ERGIC1: variants seen among roughly 807,000 people sequenced by gnomAD.
ERGIC1 encodes the protein endoplasmic reticulum-Golgi intermediate compartment protein 1.
Under a neutral mutation model 38.3 loss-of-function variants are expected in ERGIC1, and 19 were observed. The ratio of observed to expected loss-of-function variants is 0.50; its 90% CI spans 0.35 to 0.73. The LOEUF (loss-of-function observed/expected upper bound fraction) is 0.73, where lower values mean the gene tolerates loss of function less well. Ranked by LOEUF, ERGIC1 falls within the 30% of genes least tolerant of loss-of-function variation. ERGIC1 has a pLI of 0.01. For missense variants in ERGIC1, 294 were observed against 389.2 expected, an observed-to-expected ratio of 0.76 and a Z score of 2.06; for synonymous variants, 124 against 157.6, an observed-to-expected ratio of 0.79 and a Z score of 1.60.
chr5:172,893,901 A>ATGTGTGTGTGTGTGTG (rs1334354595), intron 2 of ERGIC1, among the ~76,000 whole-genome samples: 2 of 13,574 alleles, frequency 1.5e-4, no homozygotes, highest in Non-Finnish European at 7.1e-4. Context: ...ATATATATAT[A>ATGTGTGTGTGTGTGTG]TATATGTGTG....
At chr5:172,842,311 T>A (rs187284892) in intron 1 of ERGIC1, among the ~76,000 whole-genome samples, 3 of 152,344 alleles carry the variant, frequency 2.0e-5, no homozygotes, top group Non-Finnish European at 2.9e-5. Flanking sequence ...CTGCCTTATT[T>A]CACATAACGT....
chr5:172,939,980 C>T (rs1763973803), intron 9 of ERGIC1, among the ~76,000 whole-genome samples: 1 of 152,238 alleles, frequency 6.6e-6, no homozygotes, highest in Non-Finnish European at 1.5e-5. Context: ...AAAAATCAAA[C>T]ACTTGCGTGC....
rs556047310 is a variant in ERGIC1, at chr5:172,873,874, T to G, written c.21-14825T>G. ...ATGCCAGTCCCCTTTCCCGTCCCTC[T>G]GTTGACCTGTGGTAACTCAGGTGGG... is the stretch of plus-strand genomic sequence containing the variant. On this transcript the variant is annotated intron_variant, in intron 1 of 9. Coordinates refer to ENST00000393784, the MANE Select transcript of ERGIC1 (RefSeq NM_001031711.3). Among the ~76,000 whole-genome samples, 3 of 152,358 alleles carry G rather than the reference T, an allele frequency of 2.0e-5. No homozygotes were observed. In the East Asian group the frequency reaches 5.8e-4, roughly 29 times the overall value.
intron 1 of ERGIC1, among the ~76,000 whole-genome samples, chr5:172,839,882 C>A (rs116363146): frequency 6.6e-6 from 1 of 152,174 alleles, no homozygotes; most frequent in South Asian, 2.1e-4. Context: ...TGGAACACTG[C>A]CATTTGGCAC....
Position 172,910,807 on chromosome 5 carries a change from G to T in ERGIC1, c.250+1046G>T, listed in dbSNP as rs1763186825. Among the ~76,000 whole-genome samples, 4 of 152,136 alleles carry T rather than the reference G, an allele frequency of 2.6e-5. No homozygotes were observed. The South Asian group carries it at 8.3e-4, about 31-fold the overall frequency. ...CCCAAAGTGCTGAGATTACAGGCATGAGCCACCGTGCCTGGCCCAGAATGA... is the reference window on the plus strand; with the variant it reads ...CCCAAAGTGCTGAGATTACAGGCATTAGCCACCGTGCCTGGCCCAGAATGA... On this transcript the variant is annotated intron_variant, in intron 4 of 9. Coordinates refer to ENST00000393784, the MANE Select transcript of ERGIC1 (RefSeq NM_001031711.3).
At chr5:172,911,028 C>T (rs1228041745) in intron 4 of ERGIC1, among the ~76,000 whole-genome samples, 1 of 152,144 alleles carries the variant, frequency 6.6e-6, no homozygotes, top group East Asian at 1.9e-4. Context: ...GACTTGTCAG[C>T]GAGTGGACTG....
chr5:172,928,853 A>C (rs1170113958), intron 7 of ERGIC1, among the ~76,000 whole-genome samples: 1 of 152,206 alleles, frequency 6.6e-6, no homozygotes, highest in African/African-American at 2.4e-5. Flanking sequence ...TAAAGTGGGA[A>C]GAATCCTCTC....
intron 1 of ERGIC1, among the ~76,000 whole-genome samples, chr5:172,885,583 C>T (rs2113245280): frequency 6.6e-6 from 1 of 152,242 alleles, no homozygotes; most frequent in South Asian, 2.1e-4. Flanking sequence ...CTTTTAGATC[C>T]CCTGTGCACC....
chr5:172,932,591 A>G, intron 8 of ERGIC1, 55 bp downstream of exon 8: 1 of 1,540,906 alleles, frequency 6.5e-7, no homozygotes, highest in African/African-American at 1.4e-5. Context: ...CTGCTGACGG[A>G]GAGCAGAGAT....
chr5:172,927,931 C>T (rs964901735), intron 7 of ERGIC1, among the ~76,000 whole-genome samples: 12 of 152,076 alleles, frequency 7.9e-5, no homozygotes, highest in African/African-American at 2.7e-4. Context: ...ACAGGGTTGG[C>T]GCTCTGTTAC....
chr5:172,935,358 G>A (rs199565834), intron 9 of ERGIC1, 48 bp downstream of exon 9: 81 of 1,611,424 alleles, frequency 5.0e-5, no homozygotes, highest in East Asian at 4.5e-5. Flanking sequence ...GCCACCCTGC[G>A]CCTGCTCTGG....
At position 172,852,410 on chromosome 5, in the gene ERGIC1, G is replaced by A. The variant is rs187433259; in HGVS notation, c.20+17977G>A. On this transcript the variant is annotated intron_variant, in intron 1 of 9. Coordinates refer to ENST00000393784, the MANE Select transcript of ERGIC1 (RefSeq NM_001031711.3). ...ACTTCCTCATACAGTCTTCTTAGTG[G>A]GCTTCCTGCTGACAGTGGATGCCAG... 2.5e-4 allele frequency among the ~76,000 whole-genome samples: 38 copies of A among 152,042 alleles called. No homozygotes were observed. In the East Asian group the frequency reaches 6.8e-3, roughly 27 times the overall value.
intron 9 of ERGIC1, among the ~76,000 whole-genome samples, chr5:172,943,608 T>C (rs1293203362): frequency 6.6e-6 from 1 of 152,186 alleles, no homozygotes; most frequent in Non-Finnish European, 1.5e-5. Context: ...GACAGTGTCA[T>C]CCCGGTCCCT....
intron 3 of ERGIC1, among the ~76,000 whole-genome samples, chr5:172,906,806 G>A (rs1763038674): frequency 6.6e-6 from 1 of 152,104 alleles, no homozygotes; most frequent in South Asian, 2.1e-4. Flanking sequence ...CCGCCCCCTA[G>A]GCCAGGCCTT....
chr5:172,903,666 T>C (rs1007231442), intron 3 of ERGIC1, among the ~76,000 whole-genome samples: 2 of 152,238 alleles, frequency 1.3e-5, no homozygotes, highest in African/African-American at 4.8e-5. Flanking sequence ...GAGCACTTAC[T>C]GTTTACTAAG....
chr5:172,877,458 A>T (rs11953362), intron 1 of ERGIC1, among the ~76,000 whole-genome samples: 6,214 of 86,538 alleles, frequency 0.072, 253 homozygotes, highest in African/African-American at 0.086. Flanking sequence ...ATATATATAT[A>T]TTTTTTTTTT....
intron 6 of ERGIC1, among the ~76,000 whole-genome samples, chr5:172,924,794 A>G (rs1056969635): frequency 2.4e-4 from 36 of 152,204 alleles, no homozygotes; most frequent in African/African-American, 8.4e-4. Context: ...CTTAGGGCCC[A>G]TCCATCCATT....
chr5:172,871,039 G>T (rs984921281), intron 1 of ERGIC1, among the ~76,000 whole-genome samples: 1 of 152,232 alleles, frequency 6.6e-6, no homozygotes, highest in Non-Finnish European at 1.5e-5. Flanking sequence ...GACACCAATA[G>T]TATTAATGAG....
intron 3 of ERGIC1, among the ~76,000 whole-genome samples, chr5:172,907,607 C>T (rs999360811): frequency 9.2e-5 from 14 of 152,204 alleles, no homozygotes; most frequent in African/African-American, 1.7e-4. Context: ...ACTGCAACCA[C>T]GGTGACCTTC....
Sources: gnomAD v4.1 joint callset for allele counts (sites outside exome capture counted in the v4.1 genomes callset) on GRCh38, gnomAD v4.1.1 for gene constraint, MANE v1.5 for transcripts, NCBI Gene and HGNC (gene_info 2026-07-23, HGNC 2026-07-21) for gene names.